Variants in MCTP2 observed in about 807,000 individuals in gnomAD.
The protein encoded by MCTP2 is multiple C2 and transmembrane domain-containing protein 2.
MCTP2 carries 132 observed loss-of-function variants against 111.6 expected under a neutral mutation model. That is an observed-to-expected ratio of 1.18 (90% confidence interval 1.03 to 1.37). MCTP2 has a LOEUF of 1.37. Ranked by LOEUF, MCTP2 falls within the 40% of genes most tolerant of loss-of-function variation. MCTP2 has a pLI of 0.00. For synonymous variants in MCTP2, 395 were observed against 387.7 expected, an observed-to-expected ratio of 1.02 and a Z score of -0.22; for missense variants, 1,183 against 1,067.9, an observed-to-expected ratio of 1.11 and a Z score of -1.50.
intron 21 of MCTP2, among the ~76,000 whole-genome samples, chr15:94,474,715 G>A (rs1373985426): frequency 6.6e-6 from 1 of 152,158 alleles, no homozygotes; most frequent in Admixed American, 6.5e-5. Context: ...AAGGAACCAA[G>A]GGGTCTGTGA....
At chr15:94,463,544 T>G (rs2085341645) in intron 20 of MCTP2, among the ~76,000 whole-genome samples, 1 of 152,220 alleles carries the variant, frequency 6.6e-6, no homozygotes, top group South Asian at 2.1e-4. Flanking sequence ...AATAATTTTT[T>G]CTTCATCTTT....
intron 4 of MCTP2, among the ~76,000 whole-genome samples, chr15:94,325,190 A>C (rs1002684869): frequency 6.6e-6 from 1 of 152,182 alleles, no homozygotes; most frequent in Non-Finnish European, 1.5e-5. Flanking sequence ...TAGCTCAGAC[A>C]CGGTCTAGCC....
At chr15:94,300,733 C>G (rs148970505) in intron 2 of MCTP2, among the ~76,000 whole-genome samples, 1 of 152,096 alleles carries the variant, frequency 6.6e-6, no homozygotes, top group Non-Finnish European at 1.5e-5. Context: ...GGTCTCCTGG[C>G]AGCTCACTGG....
chr15:94,235,219 A>G (rs1202465197), intron 1 of MCTP2, among the ~76,000 whole-genome samples: 1 of 150,806 alleles, frequency 6.6e-6, no homozygotes, highest in Non-Finnish European at 1.5e-5. Context: ...GCACCATTGC[A>G]TTCCAGCCTG....
At chr15:94,369,018 G>A (rs1282299148) in intron 11 of MCTP2, among the ~76,000 whole-genome samples, 1 of 152,150 alleles carries the variant, frequency 6.6e-6, no homozygotes, top group East Asian at 1.9e-4. Flanking sequence ...CAGCCCCCTG[G>A]ATTTGTTTTT....
chr15:94,252,891 A>C (rs1226732904), intron 1 of MCTP2, among the ~76,000 whole-genome samples: 1 of 152,188 alleles, frequency 6.6e-6, no homozygotes, highest in African/African-American at 2.4e-5. Context: ...TTGATTAAAA[A>C]TTAGCATATC....
At chr15:94,467,429 C>G (rs2073465088) in intron 20 of MCTP2, among the ~76,000 whole-genome samples, 1 of 32,372 alleles carries the variant, frequency 3.1e-5, no homozygotes, top group South Asian at 7.6e-4. Context: ...TTATAATAAT[C>G]AAATATGACC....
intron 10 of MCTP2, 133 bp downstream of exon 10, chr15:94,358,745 A>T: frequency 9.7e-7 from 1 of 1,031,898 alleles, no homozygotes; most frequent in Non-Finnish European, 1.4e-6. Context: ...AGTGAGCTGG[A>T]TGGCCAGTCC....
intron 1 of MCTP2, among the ~76,000 whole-genome samples, chr15:94,244,184 G>A (rs560552653): frequency 3.0e-4 from 43 of 143,198 alleles, no homozygotes; most frequent in African/African-American, 1.1e-3. Context: ...ATACGTATGT[G>A]TATATGTTTA....
At chr15:94,287,476 T>C (rs2152320512) in intron 1 of MCTP2, among the ~76,000 whole-genome samples, 1 of 152,286 alleles carries the variant, frequency 6.6e-6, no homozygotes, top group East Asian at 1.9e-4. Context: ...GGCATATCTT[T>C]TTGTGTTTAT....
chr15:94,403,321 C>A, intron 17 of MCTP2: 1 of 885,966 alleles, frequency 1.1e-6, no homozygotes, highest in Non-Finnish European at 1.4e-6. Context: ...TTCTCCTCAG[C>A]TGGTGGCTTC....
intron 14 of MCTP2, among the ~76,000 whole-genome samples, chr15:94,386,419 T>C (rs2080478345): frequency 1.3e-5 from 2 of 152,240 alleles, no homozygotes; most frequent in Non-Finnish European, 1.5e-5. Flanking sequence ...CCTAACTCAC[T>C]TGATGTTTAC....
At chr15:94,243,468 T>C (rs539117972) in intron 1 of MCTP2, among the ~76,000 whole-genome samples, 1 of 121,586 alleles carries the variant, frequency 8.2e-6, no homozygotes, top group South Asian at 2.6e-4. Context: ...CGTATGCGTA[T>C]ATGCGTATGT....
chr15:94,443,981 CAAAAAA>C (rs58768404), intron 19 of MCTP2, among the ~76,000 whole-genome samples: 10 of 69,406 alleles, frequency 1.4e-4, no homozygotes, highest in Non-Finnish European at 1.7e-4. Flanking sequence ...GATATTTTAC[CAAAAAA>C]AAAAAAAAAA....
In MCTP2 at chr15:94,483,517, G is replaced by A. The variant is rs986448172; in HGVS notation, c.*4483G>A. 2.0e-5 allele frequency: 3 copies of A among 152,190 alleles called. No homozygotes were observed. The highest frequency in any genetic ancestry group is 4.4e-5 in the Non-Finnish European group (3 of 68,026). 9.4% of individuals were successfully genotyped at this position (152,190 alleles called of 1,614,324 possible). ...GTAGAGGTACACCATGGAATACTAT[G>A]CAGCCATAAAAAAGAATGAGATCAT... On this transcript the variant is annotated 3_prime_UTR_variant, in exon 23 of 23. Transcript: ENST00000357742.
At chr15:94,415,625 G>T (rs1257807257) in intron 17 of MCTP2, among the ~76,000 whole-genome samples, 1 of 151,780 alleles carries the variant, frequency 6.6e-6, no homozygotes, top group South Asian at 2.1e-4. Context: ...GGATTCCCTC[G>T]GTGCGTCCCC....
At chr15:94,436,377 AT>A (rs1045123288) in intron 17 of MCTP2, among the ~76,000 whole-genome samples, 3 of 152,276 alleles carry the variant, frequency 2.0e-5, no homozygotes, top group Admixed American at 1.3e-4. Context: ...TCTAAAAAAA[AT>A]ATTTTTCTGG....
At chr15:94,252,792 GAT>G (rs1329904556) in intron 1 of MCTP2, among the ~76,000 whole-genome samples, 1 of 152,172 alleles carries the variant, frequency 6.6e-6, no homozygotes, top group East Asian at 1.9e-4. Context: ...TGAAAAGTAT[GAT>G]ATAAGGGAAA....
At chr15:94,355,952 G>A in intron 8 of MCTP2, 185 bp from the exon 9 acceptor site, 5 of 1,256,344 alleles carry the variant, frequency 4.0e-6, no homozygotes, top group Non-Finnish European at 5.0e-6. Flanking sequence ...CCACTCCAAA[G>A]CTTGAGAAGG....
Sources: gnomAD v4.1 joint callset for allele counts (sites outside exome capture counted in the v4.1 genomes callset) on GRCh38, gnomAD v4.1.1 for gene constraint, MANE v1.5 for transcripts, NCBI Gene and HGNC (gene_info 2026-07-23, HGNC 2026-07-21) for gene names.